IMPA2: variants seen among roughly 807,000 people sequenced by gnomAD.
IMPA2 encodes inositol monophosphatase 2, also known as IMP 2.
Under a neutral mutation model 35.1 loss-of-function variants are expected in IMPA2, and 32 were observed. The observed-to-expected ratio is 0.91, with a 90% CI of 0.69 to 1.23. The LOEUF is 1.23. IMPA2 is among the 50% of genes most tolerant of loss of function. The probability of loss-of-function intolerance (pLI) is 0.00; values close to 1 mark genes in which losing one functional copy is unlikely to be tolerated. For missense variants in IMPA2, 334 were observed against 387.6 expected (o/e 0.86, Z 1.16); for synonymous variants, 135 against 160.6 (o/e 0.84, Z 1.20).
At chr18:12,004,301 G>T (rs1394482990) in intron 2 of IMPA2, among the ~76,000 whole-genome samples, 1 of 152,156 alleles carries the variant, frequency 6.6e-6, no homozygotes, top group East Asian at 1.9e-4. Context: ...GAAAAAAGGG[G>T]CTTAAAGGCA....
intron 2 of IMPA2, among the ~76,000 whole-genome samples, chr18:12,003,660 A>G (rs1402437579): frequency 7.4e-5 from 4 of 54,064 alleles, no homozygotes; most frequent in South Asian, 9.7e-4. Flanking sequence ...TAAAAAAAAA[A>G]AAAAGAAAAG....
At chr18:12,011,533 T>C (rs1341199392) in intron 3 of IMPA2, among the ~76,000 whole-genome samples, 1 of 152,272 alleles carries the variant, frequency 6.6e-6, no homozygotes, top group East Asian at 1.9e-4. Context: ...GCATTTTTCC[T>C]GTCAGTTTGC....
chr18:12,015,186 G>A (rs1332699349), intron 5 of IMPA2, among the ~76,000 whole-genome samples: 1 of 152,192 alleles, frequency 6.6e-6, no homozygotes, highest in Non-Finnish European at 1.5e-5. Flanking sequence ...GTGCACTGCT[G>A]CTTGTTTCTG....
chr18:12,003,331 A>G (rs1028482111), intron 2 of IMPA2, among the ~76,000 whole-genome samples: 1 of 152,104 alleles, frequency 6.6e-6, no homozygotes, highest in Non-Finnish European at 1.5e-5. Flanking sequence ...AAGTCCCAGC[A>G]TTTAACTCGT....
At chr18:12,014,243 G>A (rs374765916) in intron 4 of IMPA2, 22 bp from the exon 5 acceptor site, 38 of 1,559,588 alleles carry the variant, frequency 2.4e-5, no homozygotes, top group Non-Finnish European at 3.4e-5. Flanking sequence ...TTTGTTTTCT[G>A]TCCTGCCTCT....
At chr18:11,981,792 T>G in intron 1 of IMPA2, 27 bp downstream of exon 1, 4 of 1,215,088 alleles carry the variant, frequency 3.3e-6, no homozygotes, top group Non-Finnish European at 4.1e-6. Context: ...GGCTCGGAAG[T>G]CCGGGCGGAG....
chr18:11,988,130 C>T (rs904745382), intron 1 of IMPA2, among the ~76,000 whole-genome samples: 1 of 151,504 alleles, frequency 6.6e-6, no homozygotes, highest in Non-Finnish European at 1.5e-5. Context: ...CTCAGCCTCC[C>T]GAGTAGCTGG....
intron 1 of IMPA2, among the ~76,000 whole-genome samples, chr18:11,984,660 A>G (rs1003410807): frequency 6.6e-6 from 1 of 151,968 alleles, no homozygotes; most frequent in African/African-American, 2.4e-5. Context: ...GTGAAACCCC[A>G]TCTCTACTAA....
At chr18:12,028,642 C>T (rs1907949977) in intron 6 of IMPA2, 200 bp from the exon 7 acceptor site, 1 of 620,248 alleles carries the variant, frequency 1.6e-6, no homozygotes, top group Admixed American at 2.9e-5. Context: ...TGTCATGGCA[C>T]AAGGCATTTG....
At chr18:12,019,167 G>A (rs183391900) in intron 5 of IMPA2, among the ~76,000 whole-genome samples, 3 of 152,056 alleles carry the variant, frequency 2.0e-5, no homozygotes, top group Admixed American at 2.0e-4. Flanking sequence ...ACATAGATAC[G>A]TAGTTTAAAA....
chr18:12,030,354 G>A lies in IMPA2; in HGVS notation c.763G>A (p.Asp255Asn), dbSNP rs747684756. 4 of 1,614,160 alleles carry A rather than the reference G, an allele frequency of 2.5e-6. No individual in the cohort carries two copies. Among genetic ancestry groups the A allele is most frequent in the East Asian group, 2.2e-5 (1 of 44,886 alleles). The change falls in exon 8 of 8, where the codon GAC becomes AAC. Residue 255 changes from aspartate to asparagine, a missense_variant. Physicochemically the swap from Asp to Asn is conservative, Grantham distance 23. Transcript: ENST00000269159. ...CTGTCTGTCCCCAGGTGGACCCCTC[G>A]ACCTCATGGCTTGCAGAGTGGTTGC... ...IVIDTSGGPL[D>N]LMACRVVAAS...
chr18:11,990,112 T>TCA (rs1906772577), intron 1 of IMPA2, among the ~76,000 whole-genome samples: 1 of 152,106 alleles, frequency 6.6e-6, no homozygotes, highest in Non-Finnish European at 1.5e-5. Flanking sequence ...AAGGCTTTGG[T>TCA]CTCTAGGCTG....
At chr18:12,004,867 A>G (rs1329244875) in intron 2 of IMPA2, among the ~76,000 whole-genome samples, 2 of 152,132 alleles carry the variant, frequency 1.3e-5, no homozygotes, top group Non-Finnish European at 2.9e-5. Context: ...GCTTTTAGGA[A>G]GGTCTTTATG....
intron 7 of IMPA2, 80 bp downstream of exon 7, chr18:12,029,073 C>A: frequency 1.7e-6 from 2 of 1,191,664 alleles, no homozygotes; most frequent in Non-Finnish European, 2.3e-6. Flanking sequence ...CTGAAGTCCC[C>A]ACCAACTGAA....
At chr18:11,993,960 T>C (rs605047) in intron 1 of IMPA2, 68,605 of 152,186 alleles carry the variant, frequency 0.45, 17,561 homozygotes, top group African/African-American at 0.69. Flanking sequence ...CCTGCCCTGC[T>C]GGTAGGAGGT....
At chr18:12,015,442 C>T (rs1907551916) in intron 5 of IMPA2, among the ~76,000 whole-genome samples, 1 of 152,264 alleles carries the variant, frequency 6.6e-6, no homozygotes, top group Admixed American at 6.5e-5. Flanking sequence ...GAGCTATGGC[C>T]ATGGCCCATC....
intron 1 of IMPA2, among the ~76,000 whole-genome samples, chr18:11,993,241 T>A (rs1906866649): frequency 6.6e-6 from 1 of 152,216 alleles, no homozygotes; most frequent in South Asian, 2.1e-4. Flanking sequence ...TTTAGAGCTG[T>A]CTGATTCTGG....
intron 5 of IMPA2, chr18:12,017,914 A>T (rs996437318): frequency 5.9e-5 from 14 of 235,296 alleles, no homozygotes; most frequent in African/African-American, 2.7e-4. Context: ...TATAGAGTCG[A>T]TAATGAGTTA....
chr18:12,013,244 GA>G (rs1267965631), intron 4 of IMPA2, among the ~76,000 whole-genome samples: 1 of 152,144 alleles, frequency 6.6e-6, no homozygotes, highest in Non-Finnish European at 1.5e-5. Context: ...GGGAGTGGGG[GA>G]CATTCCTCTG....
Sources: gnomAD v4.1 joint callset for allele counts (sites outside exome capture counted in the v4.1 genomes callset) on GRCh38, gnomAD v4.1.1 for gene constraint, MANE v1.5 for transcripts, NCBI Gene and HGNC (gene_info 2026-07-23, HGNC 2026-07-21) for gene names.